Variants in RFFL observed in about 807,000 individuals in gnomAD.
RFFL encodes the protein E3 ubiquitin-protein ligase rififylin.
RFFL carries 16 observed loss-of-function variants against 40.4 expected under a neutral mutation model. The ratio of observed to expected loss-of-function variants is 0.40; its 90% confidence interval spans 0.27 to 0.60. RFFL has a LOEUF of 0.60. Among genes scored for constraint, RFFL ranks in the 20% least tolerant of loss-of-function variants. The probability of loss-of-function intolerance (pLI) is 0.47; values close to 1 mark genes in which losing one functional copy is unlikely to be tolerated. For synonymous variants in RFFL, 154 were observed against 167.9 expected (o/e 0.92, Z 0.64); for missense variants, 367 against 451.7 (o/e 0.81, Z 1.70).
upstream of RFFL, among the ~76,000 whole-genome samples, chr17:35,066,043 T>C (rs1220519951): frequency 6.6e-6 from 1 of 152,164 alleles, no homozygotes; most frequent in Admixed American, 6.5e-5. Context: ...GAGAATCACT[T>C]GAACCCAGGA....
At chr17:35,041,365 G>A (rs911819007) in intron 1 of RFFL, among the ~76,000 whole-genome samples, 1 of 151,842 alleles carries the variant, frequency 6.6e-6, no homozygotes, top group Non-Finnish European at 1.5e-5. Context: ...ATTATCCAAG[G>A]CATCCACCCA....
chr17:35,022,247 GA>G (rs2091013383), intron 2 of RFFL, among the ~76,000 whole-genome samples: 1 of 152,168 alleles, frequency 6.6e-6, no homozygotes, highest in African/African-American at 2.4e-5. Flanking sequence ...TGAAGATTAA[GA>G]GAGAACCCAT....
intron 1 of RFFL, among the ~76,000 whole-genome samples, chr17:35,035,186 G>T (rs1597822966): frequency 6.6e-6 from 1 of 152,090 alleles, no homozygotes; most frequent in Admixed American, 6.6e-5. Context: ...GAGGTGGGTG[G>T]ATCACAAGGT....
intron 1 of RFFL, among the ~76,000 whole-genome samples, chr17:35,029,275 G>A (rs2142330968): frequency 6.6e-6 from 1 of 151,498 alleles, no homozygotes; most frequent in African/African-American, 2.4e-5. Context: ...TAAAGTAAAT[G>A]AGTTCTTTGC....
intron 5 of RFFL, among the ~76,000 whole-genome samples, chr17:35,015,292 C>T (rs1456263183): frequency 6.6e-6 from 1 of 152,226 alleles, no homozygotes; most frequent in East Asian, 1.9e-4. Flanking sequence ...AAAAGGTATT[C>T]CACCAGTTTG....
chr17:35,039,130 C>T (rs1241475991), intron 1 of RFFL, among the ~76,000 whole-genome samples: 2 of 152,148 alleles, frequency 1.3e-5, no homozygotes, highest in Non-Finnish European at 2.9e-5. Context: ...TGATCTCGAA[C>T]TCCTGGGCTC....
chr17:35,061,031 A>G (rs973974940), intron 1 of RFFL, among the ~76,000 whole-genome samples: 1 of 152,190 alleles, frequency 6.6e-6, no homozygotes, highest in Admixed American at 6.5e-5. Context: ...ATATCCATGG[A>G]ATGTTAACAT....
At chr17:35,081,778 A>G (rs1360587899) in intron 1 of RFFL, among the ~76,000 whole-genome samples, 2 of 152,210 alleles carry the variant, frequency 1.3e-5, no homozygotes, top group Non-Finnish European at 2.9e-5. Flanking sequence ...CTGCCAACAG[A>G]AATATATAAG....
chr17:35,086,486 A>G, intron 1 of RFFL, among the ~76,000 whole-genome samples: 1 of 151,512 alleles, frequency 6.6e-6, no homozygotes, highest in Non-Finnish European at 1.5e-5. Context: ...CTCAATTAAA[A>G]AAAAAAAAAA....
chr17:35,016,149 A>G (rs755744718), intron 5 of RFFL, among the ~76,000 whole-genome samples: 73 of 152,212 alleles, frequency 4.8e-4, no homozygotes, highest in Non-Finnish European at 9.1e-4. Flanking sequence ...AATAATGTCT[A>G]TTTCATAGGT....
At chr17:35,027,815 C>T (rs974092880) in intron 1 of RFFL, among the ~76,000 whole-genome samples, 1 of 150,180 alleles carries the variant, frequency 6.7e-6, no homozygotes, top group Admixed American at 6.6e-5. Flanking sequence ...GGTGGATCAC[C>T]TGAGGTCAGG....
chr17:35,018,701 G>A (rs182405387), intron 3 of RFFL: 7 of 152,372 alleles, frequency 4.6e-5, no homozygotes, highest in African/African-American at 1.7e-4. Context: ...AAAAGCAGAA[G>A]TAACAAAATG....
chr17:35,079,305 T>G (rs944610454), intron 1 of RFFL, among the ~76,000 whole-genome samples: 1 of 152,158 alleles, frequency 6.6e-6, no homozygotes, highest in African/African-American at 2.4e-5. Flanking sequence ...ATTACAGGCG[T>G]GAGCCACCGC....
At chr17:35,074,193 C>A (rs557545277) in intron 1 of RFFL, 1 of 152,136 alleles carries the variant, frequency 6.6e-6, no homozygotes, top group Non-Finnish European at 1.5e-5. Flanking sequence ...ATATGAAGTC[C>A]TGTGAGGATG....
chr17:35,065,210 G>GA (rs560439213), upstream of RFFL, among the ~76,000 whole-genome samples: 571 of 141,676 alleles, frequency 4.0e-3, 2 homozygotes, highest in South Asian at 0.015. Context: ...ACCTCCTTCA[G>GA]AAAAAAAAAA....
At chr17:35,042,823 CAAAAAAAAAAA>C (rs11296826) in intron 1 of RFFL, among the ~76,000 whole-genome samples, 16 of 60,456 alleles carry the variant, frequency 2.6e-4, no homozygotes, top group African/African-American at 6.5e-4. Flanking sequence ...GACTCCATCT[CAAAAAAAAAAA>C]AAAAAAAAAA....
chr17:35,025,261 T>C (rs1182350673), intron 2 of RFFL: 1 of 152,226 alleles, frequency 6.6e-6, no homozygotes, highest in Non-Finnish European at 1.5e-5. Context: ...CTGAATGTCT[T>C]CTGGGAGGGG....
At chr17:35,022,067 TATTA>T (rs1175508565) in intron 2 of RFFL, among the ~76,000 whole-genome samples, 1 of 152,236 alleles carries the variant, frequency 6.6e-6, no homozygotes, top group Non-Finnish European at 1.5e-5. Flanking sequence ...GCACCTGAGG[TATTA>T]ATTAAGACTA....
chr17:35,023,638 T>A (rs2091022953), intron 2 of RFFL, among the ~76,000 whole-genome samples: 1 of 152,236 alleles, frequency 6.6e-6, no homozygotes, highest in Non-Finnish European at 1.5e-5. Flanking sequence ...CAAAGAGGCT[T>A]CAATGCCATA....
Sources: gnomAD v4.1 joint callset for allele counts (sites outside exome capture counted in the v4.1 genomes callset) on GRCh38, gnomAD v4.1.1 for gene constraint, MANE v1.5 for transcripts, NCBI Gene and HGNC (gene_info 2026-07-23, HGNC 2026-07-21) for gene names.